KLHL4: variants seen among roughly 807,000 people sequenced by gnomAD.
KLHL4 encodes kelch like family member 4.
Under a neutral mutation model 45.8 loss-of-function variants are expected in KLHL4, and 17 were observed. That is an observed-to-expected ratio of 0.37 (90% confidence interval 0.25 to 0.56). KLHL4 has a LOEUF of 0.56. KLHL4 is among the 20% of genes least tolerant of loss of function. The pLI is 0.79. For missense variants in KLHL4, 544 were observed against 544.9 expected (o/e 1.00, Z 0.02); for synonymous variants, 224 against 189.9 (o/e 1.18, Z -1.47).
intron 1 of KLHL4, among the ~76,000 whole-genome samples, chrX:87,570,112 T>A (rs950300970): frequency 1.8e-5 from 2 of 110,990 alleles, no homozygotes; most frequent in African/African-American, 6.5e-5. Flanking sequence ...GTCCCTTTCT[T>A]AAAGGAATTT....
chrX:87,547,736 G>C (rs1364740846), intron 1 of KLHL4, among the ~76,000 whole-genome samples: 1 of 110,703 alleles, frequency 9.0e-6, no homozygotes, highest in African/African-American at 3.3e-5. Context: ...CAGAAGAATG[G>C]CGTGAACCCG....
chrX:87,594,644 C>A (rs964911657), intron 1 of KLHL4, among the ~76,000 whole-genome samples: 1 of 111,570 alleles, frequency 9.0e-6, no homozygotes, highest in South Asian at 3.7e-4. Context: ...AATCTCCATC[C>A]CCCATCTTGT....
At chrX:87,527,378 A>T (rs1931132886) in intron 1 of KLHL4, among the ~76,000 whole-genome samples, 1 of 111,686 alleles carries the variant, frequency 9.0e-6, no homozygotes. Context: ...CTGAGACCTC[A>T]TCATCATTCT....
rs1330963712 is a variant in KLHL4 at position 87,668,895 on chromosome X, C to T, written c.*2361C>T. ...TTAATTCTTTTTCTTTATAAATTAC[C>T]CAGGTTCTGTTTTAAGCCTCAGAAA... On this transcript the variant is annotated 3_prime_UTR_variant, in exon 11 of 11. Coordinates refer to ENST00000373119, the MANE Select transcript of KLHL4 (RefSeq NM_019117.5). The T allele has an allele frequency of 1.8e-5, 12 of 675,261 alleles. No individual in the cohort carries two copies. Among genetic ancestry groups the T allele is most frequent in the Middle Eastern group, 1.7e-3 (2 of 1,159 alleles). The allele number at this position is 675,261 out of a possible 1,213,427, so 55.6% of individuals were successfully genotyped here.
chrX:87,654,158 T>A (rs6652463), intron 9 of KLHL4, among the ~76,000 whole-genome samples: 2,328 of 111,143 alleles, frequency 0.021, 64 homozygotes, highest in African/African-American at 0.073. Context: ...AAATAAAATT[T>A]AAAAAAATTA....
intron 4 of KLHL4, 76 bp downstream of exon 4, chrX:87,618,204 C>A (rs931418754): frequency 7.6e-6 from 6 of 786,078 alleles, no homozygotes; most frequent in Non-Finnish European, 1.0e-5. Context: ...GCAACATAAA[C>A]TTATATAACT....
At position 87,529,241 on chromosome X, in the gene KLHL4, A is replaced by G. The variant is rs1241467284; in HGVS notation, c.422+10926A>G. On this transcript the variant is annotated intron_variant, in intron 1 of 10. Coordinates refer to ENST00000373119, the MANE Select transcript of KLHL4 (RefSeq NM_019117.5). ...TAGAAATCAAAAGATGATAATTACT[A>G]TAACAAAAACAGGAAATTATGAAAC... 4.5e-5 allele frequency among the ~76,000 whole-genome samples: 5 copies of G among 111,499 alleles called. No individual in the cohort carries two copies. The East Asian group carries it at 1.4e-3, about 31-fold the overall frequency.
intron 1 of KLHL4, among the ~76,000 whole-genome samples, chrX:87,565,324 A>G (rs1050586233): frequency 1.2e-4 from 14 of 112,051 alleles, no homozygotes; most frequent in Admixed American, 1.2e-3. Context: ...AGAATAGAAA[A>G]ATAATAGACT....
intron 6 of KLHL4, among the ~76,000 whole-genome samples, chrX:87,626,051 A>G (rs999554309): frequency 3.6e-5 from 4 of 112,038 alleles, no homozygotes; most frequent in African/African-American, 1.3e-4. Context: ...TTACTTTGCC[A>G]TATTTTATCT....
chrX:87,549,110 G>C (rs2147777619), intron 1 of KLHL4, among the ~76,000 whole-genome samples: 1 of 110,496 alleles, frequency 9.1e-6, no homozygotes, highest in Non-Finnish European at 1.9e-5. Context: ...CTAAAAAAGA[G>C]CAGGAGTTGC....
chrX:87,548,574 A>G lies in KLHL4; in HGVS notation c.422+30259A>G, dbSNP rs188818277. The stretch of plus-strand genomic sequence containing the variant: ...AATAATAGCTACAACTTTTCAAGAC[A>G]TAATCAGTACAATAAGATATAAATA... On this transcript the variant is annotated intron_variant, in intron 1 of 10. Transcript: ENST00000373119. 8.6e-3 allele frequency among the ~76,000 whole-genome samples: 961 copies of G among 111,610 alleles called. 34 individuals are homozygous for G. Among genetic ancestry groups the G allele is most frequent in the Admixed American group, 0.082 (852 of 10,416 alleles).
intron 1 of KLHL4, among the ~76,000 whole-genome samples, chrX:87,552,097 A>G (rs1425280567): frequency 8.9e-6 from 1 of 111,820 alleles, no homozygotes; most frequent in Non-Finnish European, 1.9e-5. Flanking sequence ...CAGTCACCTG[A>G]GTAAACAGAC....
At chrX:87,567,070 TA>T (rs1394698535) in intron 1 of KLHL4, among the ~76,000 whole-genome samples, 2 of 111,014 alleles carry the variant, frequency 1.8e-5, no homozygotes, top group South Asian at 3.8e-4. Context: ...AAATAGAAGT[TA>T]AAAAAAGGCA....
chrX:87,635,709 A>T lies in KLHL4; in HGVS notation c.1859A>T (p.Tyr620Phe), dbSNP rs768152553. 7.9e-5 allele frequency: 96 copies of T among 1,208,096 alleles called. No homozygotes were observed. In the South Asian group the frequency reaches 1.7e-3, roughly 21 times the overall value. Residue 620 changes from tyrosine to phenylalanine, a missense_variant, in exon 9 of 11, where the codon TAT becomes TTT. By Grantham distance (22) the Tyr-to-Phe change is conservative. Transcript: ENST00000373119. ...VGVATYNGFL[Y>F]VVGGHDAPAS... is the part of the protein sequence containing the mutation. ...GTTGCCACATACAATGGATTCTTAT[A>T]TGTTGTAGGGGGGCATGATGCCCCT...
chrX:87,603,050 G>A (rs1392774507), intron 1 of KLHL4, among the ~76,000 whole-genome samples: 1 of 111,447 alleles, frequency 9.0e-6, no homozygotes, highest in African/African-American at 3.3e-5. Context: ...AGGTTCAAGA[G>A]GCTAGAGGAG....
At position 87,606,102 on chromosome X, in the gene KLHL4, C is replaced by A. The variant is rs186569232; in HGVS notation, c.423-7775C>A. Among the ~76,000 whole-genome samples the A allele has an allele frequency of 6.7e-4, 75 of 111,539 alleles. 1 individual carries two copies. The South Asian group carries it at 8.5e-3, about 13-fold the overall frequency. On this transcript the variant is annotated intron_variant, in intron 1 of 10. Coordinates refer to ENST00000373119, the MANE Select transcript of KLHL4 (RefSeq NM_019117.5). ...CCCACTTGATCACAATAGATGATGT[C>A]TTTAACGTGCTGTTGAATTTGGTTT...
intron 1 of KLHL4, among the ~76,000 whole-genome samples, chrX:87,609,859 C>A (rs768281585): frequency 6.3e-5 from 7 of 111,074 alleles, no homozygotes; most frequent in Non-Finnish European, 1.3e-4. Context: ...TTTAAACAAC[C>A]AGCTCCCACA....
At chrX:87,536,462 A>C (rs982658400) in intron 1 of KLHL4, among the ~76,000 whole-genome samples, 1 of 111,034 alleles carries the variant, frequency 9.0e-6, no homozygotes, top group Non-Finnish European at 1.9e-5. Context: ...GCTATACTGT[A>C]GTAAGAGTGT....
At chrX:87,623,371 G>T (rs1244145733) in intron 5 of KLHL4, among the ~76,000 whole-genome samples, 4 of 95,135 alleles carry the variant, frequency 4.2e-5, no homozygotes, top group Non-Finnish European at 8.1e-5. Context: ...TCGGCTCACG[G>T]CAACCTCTGA....
Sources: gnomAD v4.1 joint callset for allele counts (sites outside exome capture counted in the v4.1 genomes callset) on GRCh38, gnomAD v4.1.1 for gene constraint, MANE v1.5 for transcripts, NCBI Gene and HGNC (gene_info 2026-07-23, HGNC 2026-07-21) for gene names.